Variants in PIEZO2 observed in about 807,000 individuals in gnomAD.
The protein encoded by PIEZO2 is piezo-type mechanosensitive ion channel component 2.
Under a neutral mutation model 337.3 loss-of-function variants are expected in PIEZO2, and 172 were observed. That is an observed-to-expected ratio of 0.51 (90% CI 0.45 to 0.58). The LOEUF is 0.58. PIEZO2 is among the 20% of genes least tolerant of loss of function. The pLI, the probability that PIEZO2 is intolerant of heterozygous loss-of-function variation, is 0.00. For synonymous variants in PIEZO2, 1,251 were observed against 1,228.5 expected (o/e 1.02, Z -0.38); for missense variants, 3,028 against 3,391.3 (o/e 0.89, Z 2.66).
Position 10,863,134 on chromosome 18 carries a change from T to A in PIEZO2, c.493-5923A>T, listed in dbSNP as rs2041919264. On this transcript the variant is annotated intron_variant, in intron 5 of 55. Transcript: ENST00000674853. The surrounding 1 kb of genome is among the most constrained non-coding windows in gnomAD (Gnocchi z 4.3). ...GAAGTGTCATCAATTGTTTATTCATTGTTTATTATTAAAAGTTAACAATTT... is the reference window on the plus strand; with the variant it reads ...GAAGTGTCATCAATTGTTTATTCATAGTTTATTATTAAAAGTTAACAATTT... 6.6e-6 allele frequency among the ~76,000 whole-genome samples: 1 copy of A among 152,228 alleles called. No individual in the cohort carries two copies. Among genetic ancestry groups the A allele is most frequent in the Non-Finnish European group, 1.5e-5 (1 of 68,042 alleles).
rs2033454650 is a variant in PIEZO2, at chr18:10,954,990, G to A, written c.286+24545C>T. 6.6e-6 allele frequency among the ~76,000 whole-genome samples: 1 copy of A among 152,082 alleles called. No individual in the cohort carries two copies. On this transcript the variant is annotated intron_variant, in intron 3 of 55. Coordinates refer to ENST00000674853, the MANE Select transcript of PIEZO2 (RefSeq NM_001378183.1). The surrounding 1 kb of genome is among the most constrained non-coding windows in gnomAD (Gnocchi z 4.2). Reference sequence around the variant, plus strand: ...AGTCAATACATAGAAGGAAACAAAGGGAATAGGGAAAAGGAGGAGGAAGTA... The same window carrying A: ...AGTCAATACATAGAAGGAAACAAAGAGAATAGGGAAAAGGAGGAGGAAGTA...
At chr18:10,693,462 A>G (rs949400320) in intron 47 of PIEZO2, among the ~76,000 whole-genome samples, 5 of 151,610 alleles carry the variant, frequency 3.3e-5, no homozygotes, top group African/African-American at 1.2e-4. Context: ...TTCTGCCTCC[A>G]GGGTTCAAGC....
chr18:10,790,207 C>T (rs117563788), intron 14 of PIEZO2, among the ~76,000 whole-genome samples: 5,443 of 152,250 alleles, frequency 0.036, 142 homozygotes, highest in Non-Finnish European at 0.054. Flanking sequence ...ACTTTTGTTA[C>T]TGAAAAACAA....
chr18:10,957,288 T>C (rs2033578758), intron 3 of PIEZO2, among the ~76,000 whole-genome samples: 1 of 151,826 alleles, frequency 6.6e-6, no homozygotes, highest in African/African-American at 2.4e-5. Context: ...TCCCAGCTAC[T>C]TGGGGGGCTG....
At position 11,148,375 on chromosome 18, in the gene PIEZO2, G is replaced by A. The variant is rs12456886; in HGVS notation, c.64+150C>T. On this transcript the variant is annotated intron_variant, in intron 1 of 55. Transcript: ENST00000674853. This position sits in a 1 kb window ranked among gnomAD's most constrained non-coding sequence, Gnocchi z 5.2. The stretch of plus-strand genomic sequence containing the variant: ...CCAGAGTGGGAAGTGAGAGAGCCAG[G>A]CTGTGCACCAGGGACAGCGCGCGTC... 2.4e-6 allele frequency: 2 copies of A among 843,228 alleles called. No individual in the cohort carries two copies. The highest frequency in any genetic ancestry group is 3.7e-6 in the Non-Finnish European group (2 of 539,688). The allele number at this position is 843,228 out of a possible 1,614,324, so 52.2% of individuals were successfully genotyped here.
At chr18:10,772,548 C>T (rs2038642157) in intron 20 of PIEZO2, among the ~76,000 whole-genome samples, 1 of 152,164 alleles carries the variant, frequency 6.6e-6, no homozygotes, top group Non-Finnish European at 1.5e-5. Flanking sequence ...GGGGAAAGAA[C>T]ACCAGGTTTA....
chr18:11,013,006 C>T (rs1012325636), intron 2 of PIEZO2, among the ~76,000 whole-genome samples: 6 of 152,026 alleles, frequency 3.9e-5, no homozygotes, highest in African/African-American at 1.5e-4. Flanking sequence ...ACTGCACTAC[C>T]ACACTCCACC....
intron 3 of PIEZO2, among the ~76,000 whole-genome samples, chr18:10,950,196 G>C (rs537435593): frequency 6.6e-6 from 1 of 152,160 alleles, no homozygotes; most frequent in Non-Finnish European, 1.5e-5. Context: ...GCATAGATAA[G>C]CCCACTTTTT....
At position 10,795,376 on chromosome 18, in the gene PIEZO2, T is replaced by TCAGC. The variant is rs2039556962; in HGVS notation, c.1528-375_1528-374insGCTG. On this transcript the variant is annotated intron_variant, in intron 12 of 55. Transcript: ENST00000674853. This position sits in a 1 kb window ranked among gnomAD's most constrained non-coding sequence, Gnocchi z 4.4. ...ATTATTTTATTTTATTTTATTTTAT[T>TCAGC]TTATTTTATTTTATTTTATTTTATT... 2.9e-5 allele frequency among the ~76,000 whole-genome samples: 1 copy of TCAGC among 34,714 alleles called. No individual in the cohort carries two copies. Among genetic ancestry groups the TCAGC allele is most frequent in the Non-Finnish European group, 6.8e-5 (1 of 14,810 alleles). 22.8% of individuals were successfully genotyped at this position (34,714 alleles called of 152,430 possible).
intron 1 of PIEZO2, among the ~76,000 whole-genome samples, chr18:11,122,068 C>T (rs2040042741): frequency 6.6e-6 from 1 of 152,166 alleles, no homozygotes; most frequent in Admixed American, 6.5e-5. Flanking sequence ...ATTCTCCTGC[C>T]TCAGCCTCCC....
rs1050026838 is a variant in PIEZO2 at position 11,128,703 on chromosome 18, A to G, written c.64+19822T>C. The stretch of plus-strand genomic sequence containing the variant: ...TGATTCTCCTCAGAAGCCTCCCCCA[A>G]CACCTCTGTTTGCTTCTAGACCTAT... On this transcript the variant is annotated intron_variant, in intron 1 of 55. Coordinates refer to ENST00000674853, the MANE Select transcript of PIEZO2 (RefSeq NM_001378183.1). The surrounding 1 kb of genome is among the most constrained non-coding windows in gnomAD (Gnocchi z 4.1). Among the ~76,000 whole-genome samples the G allele has an allele frequency of 2.0e-5, 3 of 152,138 alleles. No homozygotes were observed.
At position 10,682,072 on chromosome 18, in the gene PIEZO2, G is replaced by A; in HGVS notation, c.7686+32C>T. The A allele has an allele frequency of 1.3e-6, 2 of 1,514,272 alleles. No homozygotes were observed. The highest frequency in any genetic ancestry group is 1.8e-6 in the Non-Finnish European group (2 of 1,132,394). 93.8% of individuals were successfully genotyped at this position (1,514,272 alleles called of 1,614,324 possible). A position where few individuals can be genotyped will look rare whatever the true frequency, so the allele number is the denominator to read the frequency against. On this transcript the variant is annotated intron_variant, in intron 50 of 55. Transcript: ENST00000674853. The surrounding 1 kb of genome is among the most constrained non-coding windows in gnomAD (Gnocchi z 5.6). ...ATAAAGGAATGTGGCGTGGGGCAAG[G>A]CTCTGGTAGGTGGGGTGTGCACAGA...
intron 1 of PIEZO2, among the ~76,000 whole-genome samples, chr18:11,075,511 A>G (rs1168071151): frequency 1.3e-5 from 2 of 152,226 alleles, no homozygotes; most frequent in Non-Finnish European, 2.9e-5. Context: ...GATGCTTTAG[A>G]GCAGCAGACA....
chr18:10,942,838 G>A lies in PIEZO2; in HGVS notation c.287-31610C>T, dbSNP rs759742543. On this transcript the variant is annotated intron_variant, in intron 3 of 55. Coordinates refer to ENST00000674853, the MANE Select transcript of PIEZO2 (RefSeq NM_001378183.1). This position sits in a 1 kb window ranked among gnomAD's most constrained non-coding sequence, Gnocchi z 4.4. ...AGGCCTAGGTAAAACAAGTGATTTA[G>A]TAGGCCAGGCTCAGGGTCCCCGTGC... is the stretch of plus-strand genomic sequence containing the variant. Among the ~76,000 whole-genome samples, 3 of 152,176 alleles carry A rather than the reference G, an allele frequency of 2.0e-5. No homozygotes were observed. The highest frequency in any genetic ancestry group is 4.8e-5 in the African/African-American group (2 of 41,448).
intron 36 of PIEZO2, among the ~76,000 whole-genome samples, chr18:10,719,373 A>G (rs1205551411): frequency 1.3e-5 from 2 of 152,050 alleles, no homozygotes; most frequent in Non-Finnish European, 2.9e-5. Context: ...GCATTTGATA[A>G]TCTCCAGTGT....
intron 35 of PIEZO2, among the ~76,000 whole-genome samples, chr18:10,732,890 A>AT (rs1240118997): frequency 6.6e-6 from 1 of 152,212 alleles, no homozygotes; most frequent in East Asian, 1.9e-4. Flanking sequence ...AACATAAGAA[A>AT]TTTTCAGGTT....
rs183964237 is a variant in PIEZO2, at chr18:10,706,361, T to C, written c.5589-615A>G. Among the ~76,000 whole-genome samples, 302 of 152,310 alleles carry C rather than the reference T, an allele frequency of 2.0e-3. 5 individuals carry two copies. Among genetic ancestry groups the C allele is most frequent in the African/African-American group, 7.1e-3 (293 of 41,558 alleles). On this transcript the variant is annotated intron_variant, in intron 40 of 55. Coordinates refer to ENST00000674853, the MANE Select transcript of PIEZO2 (RefSeq NM_001378183.1). ...TTTGCCTTTTTTGCATTTCTGTGCATCCCGTCTGCGGAATCTCCACCCTCG... is the reference window on the plus strand; with the variant it reads ...TTTGCCTTTTTTGCATTTCTGTGCACCCCGTCTGCGGAATCTCCACCCTCG...
intron 3 of PIEZO2, among the ~76,000 whole-genome samples, chr18:10,966,910 G>T (rs964980198): frequency 6.6e-6 from 1 of 151,648 alleles, no homozygotes; most frequent in African/African-American, 2.4e-5. Flanking sequence ...TTAGAAGAAT[G>T]ATCTCCAATT....
Position 11,002,654 on chromosome 18 carries a change from G to A in PIEZO2, c.161-22994C>T, listed in dbSNP as rs138442539. Among the ~76,000 whole-genome samples the A allele has an allele frequency of 8.5e-5, 13 of 152,310 alleles. No homozygotes were observed. Among genetic ancestry groups the A allele is most frequent in the Middle Eastern group, 3.4e-3 (1 of 294 alleles). Reference sequence around the variant, plus strand: ...ATATGCCTAATATTCTTAATATTATGAGACAGTTGCTTTGTTGCAATGTTT... The same window carrying A: ...ATATGCCTAATATTCTTAATATTATAAGACAGTTGCTTTGTTGCAATGTTT... On this transcript the variant is annotated intron_variant, in intron 2 of 55. Transcript: ENST00000674853. This position sits in a 1 kb window ranked among gnomAD's most constrained non-coding sequence, Gnocchi z 4.3.
Sources: allele counts gnomAD v4.1 joint callset (sites outside exome capture counted in the v4.1 genomes callset), GRCh38; gene constraint gnomAD v4.1.1; non-coding constraint Gnocchi (gnomAD v3.1); transcripts MANE v1.5; gene names NCBI Gene and HGNC (gene_info 2026-07-23, HGNC 2026-07-21).